The following LRCH1 variants were observed in gnomAD, a reference collection of about 807,000 sequenced individuals.
LRCH1 encodes leucine-rich repeat and calponin homology domain-containing protein 1.
In LRCH1, 23 loss-of-function variants were observed where a neutral mutation model predicts 94.9. That is an observed-to-expected ratio of 0.24 (90% CI 0.17 to 0.34). LRCH1 has a LOEUF of 0.34. Among genes scored for constraint, LRCH1 ranks in the 10% least tolerant of loss-of-function variants. The pLI is 1.00. For missense variants in LRCH1, 790 were observed against 945.9 expected (o/e 0.84, Z 2.16); for synonymous variants, 364 against 354.9 (o/e 1.03, Z -0.29).
At chr13:46,576,672 A>T (rs1014585387) in intron 1 of LRCH1, among the ~76,000 whole-genome samples, 1 of 152,130 alleles carries the variant, frequency 6.6e-6, no homozygotes, top group South Asian at 2.1e-4. Context: ...GAGGTTCAGT[A>T]GAATTTTATA....
intron 1 of LRCH1, among the ~76,000 whole-genome samples, chr13:46,626,775 G>T (rs2050955604): frequency 6.6e-6 from 1 of 152,056 alleles, no homozygotes; most frequent in Non-Finnish European, 1.5e-5. Flanking sequence ...GACCAGATAG[G>T]AAAGGACATA....
chr13:46,671,258 T>C (rs1296199016), intron 3 of LRCH1, among the ~76,000 whole-genome samples: 1 of 152,254 alleles, frequency 6.6e-6, no homozygotes, highest in Non-Finnish European at 1.5e-5. Flanking sequence ...CCTCCAAGCC[T>C]GAGTTAGGTG....
In LRCH1 at chr13:46,558,572, CAAAAAAAAAAAA is replaced by C. The variant is rs575874794; in HGVS notation, c.307+4884_307+4895del. Among the ~76,000 whole-genome samples, 12 of 34,402 alleles carry C rather than the reference CAAAAAAAAAAAA, an allele frequency of 3.5e-4. 1 individual carries two copies. The highest frequency in any genetic ancestry group is 1.2e-3 in the African/African-American group (12 of 9,868). The allele number at this position is 34,402 out of a possible 152,430, so 22.6% of individuals were successfully genotyped here. On this transcript the variant is annotated intron_variant, in intron 1 of 19. Coordinates refer to ENST00000389797, the MANE Select transcript of LRCH1 (RefSeq NM_001164211.2). ...CCAAGACGGTGAAACCCTGTGTCTA[CAAAAAAAAAAAA>C]AAAAAAAAAAAAAAGCTGGGTTCCT...
intron 2 of LRCH1, among the ~76,000 whole-genome samples, chr13:46,655,736 A>T (rs2051361933): frequency 6.6e-6 from 1 of 152,250 alleles, no homozygotes; most frequent in African/African-American, 2.4e-5. Context: ...TCTTGGCAAT[A>T]GTAGGAGTGT....
At chr13:46,593,971 G>T (rs2050530542) in intron 1 of LRCH1, among the ~76,000 whole-genome samples, 1 of 152,034 alleles carries the variant, frequency 6.6e-6, no homozygotes, top group South Asian at 2.1e-4. Context: ...AGAGTCTTAG[G>T]TCTATAGCCA....
intron 3 of LRCH1, among the ~76,000 whole-genome samples, chr13:46,678,891 C>A (rs2051712683): frequency 6.6e-6 from 1 of 152,174 alleles, no homozygotes; most frequent in East Asian, 1.9e-4. Flanking sequence ...AGTTTCATCT[C>A]ATGCTGTGAA....
chr13:46,741,489 T>C (rs780518768), intron 19 of LRCH1, among the ~76,000 whole-genome samples, 153 bp from the exon 20 acceptor site: 2 of 152,196 alleles, frequency 1.3e-5, no homozygotes, highest in Non-Finnish European at 2.9e-5. Context: ...TAAAAAATCT[T>C]TGATGATGAA....
chr13:46,639,037 A>G (rs7321658), intron 1 of LRCH1, among the ~76,000 whole-genome samples: 13,556 of 152,226 alleles, frequency 0.089, 686 homozygotes, highest in Middle Eastern at 0.16. Flanking sequence ...AAAATCCTGG[A>G]AAAAAACTTT....
rs1400163449 is a variant in LRCH1, at chr13:46,577,064, G to A, written c.307+23361G>A. On this transcript the variant is annotated intron_variant, in intron 1 of 19. Coordinates refer to ENST00000389797, the MANE Select transcript of LRCH1 (RefSeq NM_001164211.2). ...TTCAGGCCAGCAGGAAAAGGTCTCT[G>A]ACTTGAGGGTGGGCCCCAGTCCTTC... Among the ~76,000 whole-genome samples, 10 of 152,276 alleles carry A rather than the reference G, an allele frequency of 6.6e-5. 1 individual carries two copies. The South Asian group carries it at 1.5e-3, about 22-fold the overall frequency.
intron 1 of LRCH1, among the ~76,000 whole-genome samples, chr13:46,616,398 C>T (rs2050808594): frequency 6.6e-6 from 1 of 152,178 alleles, no homozygotes. Context: ...CTTTTCCTCT[C>T]CCCTTAACCT....
chr13:46,661,880 C>A, intron 2 of LRCH1, among the ~76,000 whole-genome samples: 1 of 152,098 alleles, frequency 6.6e-6, no homozygotes, highest in East Asian at 1.9e-4. Context: ...GTATCAGTAT[C>A]CCTTTCCTTT....
chr13:46,713,548 A>C (rs1451512328), intron 15 of LRCH1, among the ~76,000 whole-genome samples: 1 of 152,236 alleles, frequency 6.6e-6, no homozygotes, highest in East Asian at 1.9e-4. Flanking sequence ...GATGGGTAAC[A>C]AGTGGCCAGG....
rs569112372 is a variant in LRCH1, at chr13:46,743,050, A to G, written c.*1202A>G. On this transcript the variant is annotated 3_prime_UTR_variant, in exon 20 of 20. Transcript: ENST00000389797. ...TCCCTGGATTCAGGGGTGTCTTTGTATAATATGAGAGGGCCTTGTTCCAAG... is the reference window on the plus strand; with the variant it reads ...TCCCTGGATTCAGGGGTGTCTTTGTGTAATATGAGAGGGCCTTGTTCCAAG... The G allele has an allele frequency of 2.0e-6, 2 of 985,442 alleles. No individual in the cohort carries two copies. Among genetic ancestry groups the G allele is most frequent in the African/African-American group, 1.7e-5 (1 of 57,364 alleles). The allele number at this position is 985,442 out of a possible 1,614,324, so 61.0% of individuals were successfully genotyped here.
intron 1 of LRCH1, among the ~76,000 whole-genome samples, chr13:46,590,137 A>G (rs1260170914): frequency 1.3e-5 from 2 of 152,152 alleles, no homozygotes; most frequent in African/African-American, 4.8e-5. Context: ...TCATCTTCGC[A>G]GAGTGATTTT....
At chr13:46,738,738 G>A (rs1227163491) in intron 19 of LRCH1, among the ~76,000 whole-genome samples, 2 of 152,124 alleles carry the variant, frequency 1.3e-5, no homozygotes, top group African/African-American at 4.8e-5. Flanking sequence ...TTAATTCTAA[G>A]GGTGAAAGAC....
At chr13:46,687,554 A>C (rs999133273) in intron 5 of LRCH1, among the ~76,000 whole-genome samples, 10 of 152,222 alleles carry the variant, frequency 6.6e-5, no homozygotes, top group Non-Finnish European at 1.5e-4. Flanking sequence ...CAGGCTGGTC[A>C]TCTGAGTTTA....
At chr13:46,609,662 G>C (rs186214308) in intron 1 of LRCH1, among the ~76,000 whole-genome samples, 269 of 152,294 alleles carry the variant, frequency 1.8e-3, no homozygotes, top group Non-Finnish European at 3.1e-3. Context: ...GTGTGTGTTA[G>C]GAAATGTGCT....
At chr13:46,649,698 G>A (rs2138077400) in intron 1 of LRCH1, among the ~76,000 whole-genome samples, 1 of 152,122 alleles carries the variant, frequency 6.6e-6, no homozygotes, top group South Asian at 2.1e-4. Context: ...GCATGGTGGT[G>A]CGTGCCTGTA....
Position 46,728,888 on chromosome 13 carries a change from G to T in LRCH1, c.1911G>T (p.Leu637=). The T allele has an allele frequency of 6.2e-7, 1 of 1,612,938 alleles. No homozygotes were observed. The highest frequency in any genetic ancestry group is 1.1e-5 in the South Asian group (1 of 90,694). ...MRLKVSLHED[L]GAALMDGVVL... is the part of the protein sequence containing the mutation. The stretch of plus-strand genomic sequence containing the variant: ...TGAAGGTCAGTCTACACGAAGACCT[G>T]GGGGCAGCCCTCATGGATGGTGTCG... Residue 637 remains leucine (L), a synonymous_variant, in exon 18 of 20, where the codon CTG becomes CTT. Coordinates refer to ENST00000389797, the MANE Select transcript of LRCH1 (RefSeq NM_001164211.2).
Sources: allele counts gnomAD v4.1 joint callset (sites outside exome capture counted in the v4.1 genomes callset), GRCh38; gene constraint gnomAD v4.1.1; transcripts MANE v1.5; gene names NCBI Gene and HGNC (gene_info 2026-07-23, HGNC 2026-07-21).